Variants in GPC6 observed in about 807,000 individuals in gnomAD.
The protein encoded by GPC6 is glypican-6.
Under a neutral mutation model 55.2 loss-of-function variants are expected in GPC6, and 14 were observed. The ratio of observed to expected loss-of-function variants is 0.25; its 90% CI spans 0.17 to 0.40. The LOEUF is 0.40. Ranked by LOEUF, GPC6 falls within the 10% of genes least tolerant of loss-of-function variation. The probability of loss-of-function intolerance (pLI) is 1.00; values close to 1 mark genes in which losing one functional copy is unlikely to be tolerated. For synonymous variants in GPC6, 278 were observed against 259.6 expected, an observed-to-expected ratio of 1.07 and a Z score of -0.68; for missense variants, 641 against 708.5, an observed-to-expected ratio of 0.90 and a Z score of 1.08.
intron 3 of GPC6, among the ~76,000 whole-genome samples, chr13:93,876,900 G>A (rs58794076): frequency 0.034 from 5,217 of 152,068 alleles, 259 homozygotes; most frequent in East Asian, 0.17. Flanking sequence ...CGGTACTCAG[G>A]TTATACATCC....
chr13:93,396,614 C>G (rs1436618549), intron 1 of GPC6, among the ~76,000 whole-genome samples: 1 of 151,610 alleles, frequency 6.6e-6, no homozygotes. Flanking sequence ...ACTATAAGCT[C>G]TGGAACTAGG....
intron 5 of GPC6, among the ~76,000 whole-genome samples, chr13:94,303,046 G>A (rs771698986): frequency 6.6e-6 from 1 of 152,244 alleles, no homozygotes; most frequent in Non-Finnish European, 1.5e-5. Context: ...GGATCCGGAG[G>A]GGTGGGAGTC....
chr13:93,356,543 T>C (rs1880854331), intron 1 of GPC6, among the ~76,000 whole-genome samples: 2 of 152,136 alleles, frequency 1.3e-5, no homozygotes, highest in African/African-American at 4.8e-5. Flanking sequence ...TGCCTGAAGG[T>C]TGTCCAAGCT....
chr13:93,377,803 G>A (rs7992198), intron 1 of GPC6, among the ~76,000 whole-genome samples: 6,180 of 152,260 alleles, frequency 0.041, 171 homozygotes, highest in Non-Finnish European at 0.057. Flanking sequence ...GAGAATGTTT[G>A]TTTGCCACAT....
Position 93,565,574 on chromosome 13 carries a change from A to G in GPC6, c.319+20153A>G, listed in dbSNP as rs61964251. On this transcript the variant is annotated intron_variant, in intron 2 of 8. Coordinates refer to ENST00000377047, the MANE Select transcript of GPC6 (RefSeq NM_005708.5). Reference sequence around the variant, plus strand: ...AATTGGGCTTTGAAAAAGTGTGTTGATATTTCTTTTTATCTAAGGACCCTC... The same window carrying G: ...AATTGGGCTTTGAAAAAGTGTGTTGGTATTTCTTTTTATCTAAGGACCCTC... 2.1e-3 allele frequency among the ~76,000 whole-genome samples: 321 copies of G among 152,164 alleles called. 1 individual carries two copies. Among genetic ancestry groups the G allele is most frequent in the Admixed American group, 7.4e-3 (113 of 15,274 alleles).
intron 4 of GPC6, among the ~76,000 whole-genome samples, chr13:94,029,980 G>C (rs968403263): frequency 6.6e-6 from 1 of 151,462 alleles, no homozygotes; most frequent in Middle Eastern, 3.5e-3. Flanking sequence ...CTATATGAAC[G>C]TATTTCATAC....
At chr13:93,247,295 T>C (rs1057379535) in intron 1 of GPC6, among the ~76,000 whole-genome samples, 1 of 152,186 alleles carries the variant, frequency 6.6e-6, no homozygotes, top group Non-Finnish European at 1.5e-5. Context: ...TAACAAATGT[T>C]TTTGCAGAGT....
chr13:93,965,255 C>T (rs1879989222), intron 3 of GPC6, among the ~76,000 whole-genome samples: 1 of 150,606 alleles, frequency 6.6e-6, no homozygotes, highest in African/African-American at 2.4e-5. Flanking sequence ...ACTAAAAATA[C>T]AAAAAATTAG....
intron 4 of GPC6, among the ~76,000 whole-genome samples, chr13:94,129,157 TACTC>T (rs1310478156): frequency 6.6e-6 from 1 of 152,186 alleles, no homozygotes; most frequent in African/African-American, 2.4e-5. Context: ...ATGCTGTAGT[TACTC>T]AGTATTTAGA....
At chr13:93,775,235 G>C (rs1449981002) in intron 2 of GPC6, among the ~76,000 whole-genome samples, 1 of 152,082 alleles carries the variant, frequency 6.6e-6, no homozygotes, top group Non-Finnish European at 1.5e-5. Flanking sequence ...GAACTCCTAG[G>C]CTCAAGTGAT....
rs540680701 is a variant in GPC6, at chr13:94,299,054, C to T, written c.1009-6926C>T. 1.1e-4 allele frequency among the ~76,000 whole-genome samples: 16 copies of T among 152,228 alleles called. No individual in the cohort carries two copies. The South Asian group carries it at 2.3e-3, about 22-fold the overall frequency. The stretch of plus-strand genomic sequence containing the variant: ...TTATTTCTTCATAATCTTTCATTCT[C>T]AATTTTTTCAAACACATATCATGTG... On this transcript the variant is annotated intron_variant, in intron 5 of 8. Coordinates refer to ENST00000377047, the MANE Select transcript of GPC6 (RefSeq NM_005708.5).
chr13:94,398,505 G>C lies in GPC6; in HGVS notation c.1329G>C (p.Gln443His). 1.2e-6 allele frequency: 2 copies of C among 1,613,870 alleles called. No individual in the cohort carries two copies. The highest frequency in any genetic ancestry group is 1.7e-6 in the Non-Finnish European group (2 of 1,179,792). Residue 443 changes from glutamine (Q) to histidine (H), a missense_variant, in exon 8 of 9, where the codon CAG (glutamine) becomes CAC (histidine). By Grantham distance (24) the Gln-to-His change is conservative. Transcript: ENST00000377047. ...TCATGAATGATGGGCTCACCAACCA[G>C]ATCAACAATCCCGAGGTGGATGTGG... ...PEIMNDGLTN[Q>H]INNPEVDVDI... is the part of the protein sequence containing the mutation.
At chr13:93,667,854 C>G (rs1881208722) in intron 2 of GPC6, among the ~76,000 whole-genome samples, 1 of 151,316 alleles carries the variant, frequency 6.6e-6, no homozygotes, top group Admixed American at 6.6e-5. Flanking sequence ...AGAGAAAACT[C>G]CACGGCTTGA....
intron 2 of GPC6, among the ~76,000 whole-genome samples, chr13:93,635,381 A>T (rs1226874076): frequency 1.3e-5 from 2 of 152,196 alleles, no homozygotes; most frequent in African/African-American, 2.4e-5. Context: ...AATCATTGCA[A>T]ATATCCCAAC....
rs548562024 is a variant in GPC6, at chr13:94,406,759, C to T, written c.*3542C>T. On this transcript the variant is annotated 3_prime_UTR_variant, in exon 9 of 9. Transcript: ENST00000377047. ...CTAAAGTCCCTAAGGAGGAAAAAAC[C>T]TTAACATATTCCTGAGATGTGATTC... The T allele has an allele frequency of 1.3e-5, 2 of 152,158 alleles. No individual in the cohort carries two copies. The highest frequency in any genetic ancestry group is 3.9e-4 in the East Asian group (2 of 5,180). The allele number at this position is 152,158 out of a possible 1,614,324, so 9.4% of individuals were successfully genotyped here. A position where few individuals can be genotyped will look rare whatever the true frequency, so the allele number is the denominator to read the frequency against.
intron 2 of GPC6, among the ~76,000 whole-genome samples, chr13:93,807,183 G>A (rs139879317): frequency 1.2e-4 from 18 of 152,168 alleles, no homozygotes; most frequent in South Asian, 2.1e-4. Context: ...CTCTTCTCCC[G>A]TTTCACTTCT....
At chr13:94,093,570 T>C (rs1156634138) in intron 4 of GPC6, among the ~76,000 whole-genome samples, 1 of 152,128 alleles carries the variant, frequency 6.6e-6, no homozygotes, top group African/African-American at 2.4e-5. Context: ...TCAAGATTGC[T>C]TTAGCTATAG....
intron 3 of GPC6, among the ~76,000 whole-genome samples, chr13:94,013,111 G>A (rs1240366459): frequency 6.6e-6 from 1 of 152,036 alleles, no homozygotes; most frequent in Non-Finnish European, 1.5e-5. Flanking sequence ...GTGTTCGACT[G>A]GGTAAACATA....
intron 2 of GPC6, among the ~76,000 whole-genome samples, chr13:93,667,590 G>A (rs959948487): frequency 5.3e-5 from 8 of 151,962 alleles, no homozygotes; most frequent in Non-Finnish European, 1.2e-4. Context: ...CCGCCACCAT[G>A]CCAGGCTAAT....
Sources: gnomAD v4.1 joint callset for allele counts (sites outside exome capture counted in the v4.1 genomes callset) on GRCh38, gnomAD v4.1.1 for gene constraint, MANE v1.5 for transcripts, NCBI Gene and HGNC (gene_info 2026-07-23, HGNC 2026-07-21) for gene names.